SPRR2G: variants seen among roughly 807,000 people sequenced by gnomAD.
The protein encoded by SPRR2G is small proline-rich protein 2G.
A neutral mutation model predicts 0.7 loss-of-function variants in SPRR2G; 1 was observed. The observed-to-expected ratio is 1.49, with a 90% CI of 0.53 to 7.06. The LOEUF is 7.06. SPRR2G is among the 30% of genes most tolerant of loss of function. The probability of loss-of-function intolerance (pLI) is 0.14; values close to 1 mark genes in which losing one functional copy is unlikely to be tolerated. For synonymous variants in SPRR2G, 38 were observed against 33.9 expected, an observed-to-expected ratio of 1.12 and a Z score of -0.42; for missense variants, 96 against 88.5, an observed-to-expected ratio of 1.09 and a Z score of -0.34.
the SPRR2G span, among the ~76,000 whole-genome samples, chr1:153,157,525 T>C: frequency 6.6e-6 from 1 of 152,294 alleles, no homozygotes; most frequent in African/African-American, 2.4e-5. Flanking sequence ...ACATTTAATA[T>C]ACACATCTGG....
the SPRR2G span, among the ~76,000 whole-genome samples, chr1:153,159,366 C>T: frequency 2.0e-4 from 30 of 152,292 alleles, 1 homozygote; most frequent in Admixed American, 1.6e-3. Flanking sequence ...CCAATAAATT[C>T]CTCACCTCCA....
the SPRR2G span, among the ~76,000 whole-genome samples, chr1:153,173,965 A>AT: frequency 6.6e-6 from 1 of 152,174 alleles, no homozygotes; most frequent in African/African-American, 2.4e-5. Flanking sequence ...AGGCATTCAC[A>AT]TTTTTTACTT....
the SPRR2G span, among the ~76,000 whole-genome samples, chr1:153,161,250 T>C: frequency 1.8e-4 from 9 of 50,172 alleles, 2 homozygotes; most frequent in Admixed American, 1.6e-3. Context: ...ATAATAACAA[T>C]AATAGTAGTC....
At chr1:153,180,678 T>C in the SPRR2G span, among the ~76,000 whole-genome samples, 6 of 152,206 alleles carry the variant, frequency 3.9e-5, no homozygotes, top group South Asian at 2.1e-4. Flanking sequence ...TGCTCAGCTC[T>C]AGTGAATACT....
chr1:153,163,601 G>C, the SPRR2G span, among the ~76,000 whole-genome samples: 1 of 151,608 alleles, frequency 6.6e-6, no homozygotes, highest in Admixed American at 6.6e-5. Flanking sequence ...CCTCTTTTTG[G>C]AGCCTAAAAA....
chr1:153,202,333 A>G, the SPRR2G span, among the ~76,000 whole-genome samples: 1 of 152,150 alleles, frequency 6.6e-6, no homozygotes, highest in African/African-American at 2.4e-5. Flanking sequence ...ACCTACTAAT[A>G]CCAGAATCTA....
the SPRR2G span, among the ~76,000 whole-genome samples, chr1:153,198,517 C>A: frequency 1.3e-5 from 2 of 152,142 alleles, no homozygotes; most frequent in African/African-American, 4.8e-5. Context: ...AGCTCCCAAA[C>A]ACACCCTGGC....
chr1:153,157,752 C>G, the SPRR2G span, among the ~76,000 whole-genome samples: 1 of 152,004 alleles, frequency 6.6e-6, no homozygotes, highest in Non-Finnish European at 1.5e-5. Flanking sequence ...ACCATTAGTC[C>G]GTTCTCACAC....
At chr1:153,194,010 C>T in the SPRR2G span, among the ~76,000 whole-genome samples, 4 of 152,176 alleles carry the variant, frequency 2.6e-5, no homozygotes, top group Non-Finnish European at 4.4e-5. Flanking sequence ...TGATTCTCTT[C>T]GACCTGAGCT....
the SPRR2G span, among the ~76,000 whole-genome samples, chr1:153,161,596 T>C: frequency 6.6e-6 from 1 of 152,334 alleles, no homozygotes; most frequent in African/African-American, 2.4e-5. Flanking sequence ...ACTTGTCTAC[T>C]TTTTTATTTC....
the SPRR2G span, among the ~76,000 whole-genome samples, chr1:153,166,321 T>A: frequency 6.6e-6 from 1 of 152,094 alleles, no homozygotes; most frequent in African/African-American, 2.4e-5. Context: ...GAATGAAAGG[T>A]TTTTAATCAT....
chr1:153,189,187 T>C, the SPRR2G span, among the ~76,000 whole-genome samples: 1 of 152,244 alleles, frequency 6.6e-6, no homozygotes, highest in Non-Finnish European at 1.5e-5. Context: ...GAAATTTTTA[T>C]ATTGTTTTCT....
At chr1:153,152,304 G>T (rs867364260), upstream of SPRR2G, among the ~76,000 whole-genome samples, 26 of 152,280 alleles carry the variant, frequency 1.7e-4, no homozygotes, top group African/African-American at 5.8e-4. Flanking sequence ...TCTAGCTGTA[G>T]TCACTACTAA....
At chr1:153,182,384 T>A in the SPRR2G span, among the ~76,000 whole-genome samples, 21 of 152,128 alleles carry the variant, frequency 1.4e-4, no homozygotes, top group South Asian at 1.3e-3. Flanking sequence ...TTTTTTTTTT[T>A]ATTATACTTA....
chr1:153,149,729 G>T lies in SPRR2G; in HGVS notation c.*160C>A. The stretch of plus-strand genomic sequence containing the variant: ...CTGCTCATCTTCCAACAACATATCG[G>T]TTTTCAGAACTAAGCCTTTTCTCTG... On this transcript the variant is annotated 3_prime_UTR_variant, in exon 2 of 2. Transcript: ENST00000368748. 1 of 911,416 alleles carries T rather than the reference G, an allele frequency of 1.1e-6. No individual in the cohort carries two copies. Among genetic ancestry groups the T allele is most frequent in the Non-Finnish European group, 1.7e-6 (1 of 596,360 alleles). The allele number at this position is 911,416 out of a possible 1,614,324, so 56.5% of individuals were successfully genotyped here.
chr1:153,179,287 A>T, the SPRR2G span, among the ~76,000 whole-genome samples: 1 of 152,092 alleles, frequency 6.6e-6, no homozygotes, highest in African/African-American at 2.4e-5. Flanking sequence ...TCACAGCAAC[A>T]CCTAGATTAG....
At chr1:153,184,072 G>A in the SPRR2G span, among the ~76,000 whole-genome samples, 30 of 152,090 alleles carry the variant, frequency 2.0e-4, no homozygotes, top group Non-Finnish European at 3.8e-4. Context: ...TGTTCTATTG[G>A]TCTATATATC....
At chr1:153,163,631 A>G in the SPRR2G span, among the ~76,000 whole-genome samples, 1 of 152,132 alleles carries the variant, frequency 6.6e-6, no homozygotes, top group Admixed American at 6.6e-5. Flanking sequence ...CAATCCTCTT[A>G]ACCTTGGCAT....
At chr1:153,182,578 T>A in the SPRR2G span, among the ~76,000 whole-genome samples, 1 of 152,108 alleles carries the variant, frequency 6.6e-6, no homozygotes. Context: ...TGTGTGATGT[T>A]CCCCTCCCTC....
Sources: allele counts gnomAD v4.1 joint callset (sites outside exome capture counted in the v4.1 genomes callset), GRCh38; gene constraint gnomAD v4.1.1; transcripts MANE v1.5; gene names NCBI Gene and HGNC (gene_info 2026-07-23, HGNC 2026-07-21).